Variants in ANK2 observed in about 807,000 individuals in gnomAD.
ANK2 encodes ankyrin 2.
In ANK2, 83 loss-of-function variants were observed where a neutral mutation model predicts 360.5. The observed-to-expected ratio is 0.23, with a 90% CI of 0.19 to 0.28. The LOEUF is 0.28. Among genes scored for constraint, ANK2 ranks in the 10% least tolerant of loss-of-function variants. ANK2 has a pLI of 1.00. For missense variants in ANK2, 4,201 were observed against 4,795.7 expected (o/e 0.88, Z 3.66); for synonymous variants, 1,740 against 1,759.5 (o/e 0.99, Z 0.28).
chr4:113,012,787 A>C (rs2055201971), intron 2 of ANK2, among the ~76,000 whole-genome samples: 1 of 152,078 alleles, frequency 6.6e-6, no homozygotes, highest in East Asian at 1.9e-4. Flanking sequence ...TACAGAACCT[A>C]CTTTTATATG....
Position 113,120,168 on chromosome 4 carries a change from A to G in ANK2, c.85-54248A>G, listed in dbSNP as rs7669115. Among the ~76,000 whole-genome samples, 1,379 of 152,268 alleles carry G rather than the reference A, an allele frequency of 9.1e-3. 31 individuals are homozygous for G. Among genetic ancestry groups the G allele is most frequent in the African/African-American group, 0.032 (1,318 of 41,576 alleles). ...GAATATCTATTGTATGTGTCATACTATGTAGAGCTAAAATAAAACTAAGCT... is the reference window on the plus strand; with the variant it reads ...GAATATCTATTGTATGTGTCATACTGTGTAGAGCTAAAATAAAACTAAGCT... On this transcript the variant is annotated intron_variant, in intron 1 of 45. Transcript: ENST00000357077.
At chr4:112,775,075 G>A in the ANK2 span, among the ~76,000 whole-genome samples, 5 of 152,242 alleles carry the variant, frequency 3.3e-5, no homozygotes, top group Admixed American at 3.3e-4. Context: ...GTTTGGACCA[G>A]CTGGAGGTGG....
At chr4:113,062,060 T>G (rs2073723701) in intron 1 of ANK2, among the ~76,000 whole-genome samples, 1 of 152,036 alleles carries the variant, frequency 6.6e-6, no homozygotes, top group South Asian at 2.1e-4. Context: ...CCATAGAAAG[T>G]TTTTTATTAT....
intron 4 of ANK2, among the ~76,000 whole-genome samples, chr4:113,231,818 T>A (rs530720137): frequency 1.3e-5 from 2 of 152,190 alleles, no homozygotes; most frequent in African/African-American, 4.8e-5. Context: ...TCCAGGCAGG[T>A]CTCGAACTCC....
chr4:113,356,129 C>T lies in ANK2; in HGVS notation c.7511C>T (p.Ser2504Phe), dbSNP rs1412619917. The change falls in exon 38 of 46, where the codon TCT (serine) becomes TTT (phenylalanine). Residue 2504 changes from serine (S) to phenylalanine (F), a missense_variant. Ser to Phe is a radical substitution (Grantham distance 155). Around this residue, in one of 4 missense-constraint regions of ANK2, gnomAD observed 2,642 missense variants for 2,714.5 expected, o/e 0.97. Transcript: ENST00000357077. Reference sequence around the variant, plus strand: ...ACAGAACTCTTGACGGAAGTGGCCTCTGTGCGGTCCCGGCTACTCCGAGAC... The same window carrying T: ...ACAGAACTCTTGACGGAAGTGGCCTTTGTGCGGTCCCGGCTACTCCGAGAC... ...AKTELLTEVASVRSRLLRDPD... is the reference protein window; with the variant it reads ...AKTELLTEVAFVRSRLLRDPD... The T allele has an allele frequency of 1.2e-6, 2 of 1,614,094 alleles. No homozygotes were observed. The highest frequency in any genetic ancestry group is 1.3e-5 in the African/African-American group (1 of 75,020).
At position 113,302,926 on chromosome 4, in the gene ANK2, A is replaced by G. The variant is rs1480618067; in HGVS notation, c.2548+87A>G. On this transcript the variant is annotated intron_variant, in intron 23 of 45. Transcript: ENST00000357077. Reference sequence around the variant, plus strand: ...CTTTTTTTCAGAGACCAAGCTGGTTATGTGGATGACAGAATCTTAACATTT... The same window carrying G: ...CTTTTTTTCAGAGACCAAGCTGGTTGTGTGGATGACAGAATCTTAACATTT... The G allele has an allele frequency of 4.4e-6, 5 of 1,124,368 alleles. No homozygotes were observed. The South Asian group carries it at 5.0e-5, about 11-fold the overall frequency. The allele number at this position is 1,124,368 out of a possible 1,614,324, so 69.6% of individuals were successfully genotyped here.
At chr4:113,209,601 G>A (rs1291344837) in intron 4 of ANK2, among the ~76,000 whole-genome samples, 2 of 152,122 alleles carry the variant, frequency 1.3e-5, no homozygotes, top group Middle Eastern at 3.4e-3. Flanking sequence ...TGCCTAACAA[G>A]GAGGATCAGG....
chr4:113,261,483 A>G (rs889620952), intron 13 of ANK2, among the ~76,000 whole-genome samples: 1 of 152,224 alleles, frequency 6.6e-6, no homozygotes, highest in Non-Finnish European at 1.5e-5. Flanking sequence ...AGACAAGGCT[A>G]TTAAATAAAA....
Position 113,357,780 on chromosome 4 carries a change from C to T in ANK2, c.9162C>T (p.Ala3054=), listed in dbSNP as rs767086685. ...SWSEIREDDE[A]FEARVKEEEQ... is the part of the protein sequence containing the mutation. ...GTGAAATTCGGGAAGACGATGAAGC[C>T]TTTGAGGCTCGTGTGAAAGAGGAAG... Residue 3054 remains alanine (A), a synonymous_variant, in exon 38 of 46, where the codon GCC becomes GCT. Transcript: ENST00000357077. The T allele has an allele frequency of 1.2e-6, 2 of 1,613,990 alleles. No homozygotes were observed. Among genetic ancestry groups the T allele is most frequent in the South Asian group, 1.1e-5 (1 of 91,078 alleles).
chr4:112,828,423 G>A (rs1035002005), intron 1 of ANK2, among the ~76,000 whole-genome samples: 8 of 151,924 alleles, frequency 5.3e-5, no homozygotes, highest in Non-Finnish European at 8.8e-5. Context: ...TAGTAAAGAG[G>A]GGGGTTTCAC....
chr4:113,120,797 C>T (rs1233539223), intron 1 of ANK2, among the ~76,000 whole-genome samples: 1 of 151,974 alleles, frequency 6.6e-6, no homozygotes, highest in African/African-American at 2.4e-5. Flanking sequence ...TGTGTTGTTC[C>T]CCTCAATGTG....
intron 1 of ANK2, among the ~76,000 whole-genome samples, chr4:113,101,660 A>C (rs1000505727): frequency 1.3e-5 from 2 of 152,074 alleles, no homozygotes; most frequent in African/African-American, 4.8e-5. Flanking sequence ...CTGTATTTCT[A>C]TGGAGAGAAA....
chr4:113,303,805 C>T (rs1364052304), intron 23 of ANK2, among the ~76,000 whole-genome samples: 1 of 152,158 alleles, frequency 6.6e-6, no homozygotes, highest in Non-Finnish European at 1.5e-5. Flanking sequence ...CATATATGTA[C>T]ATGAAAATGT....
At chr4:112,853,310 G>A (rs1027519897) in intron 1 of ANK2, among the ~76,000 whole-genome samples, 4 of 151,850 alleles carry the variant, frequency 2.6e-5, no homozygotes, top group East Asian at 1.9e-4. Context: ...CTCTTGATCC[G>A]CCCACCTCGG....
intron 12 of ANK2, 44 bp from the exon 13 acceptor site, chr4:113,258,269 C>T: frequency 1.2e-6 from 2 of 1,600,952 alleles, no homozygotes; most frequent in Non-Finnish European, 1.7e-6. Context: ...CCCCAAAGCC[C>T]CACCGGTGCA....
At chr4:113,057,081 G>A (rs1421141457) in intron 1 of ANK2, among the ~76,000 whole-genome samples, 2 of 152,176 alleles carry the variant, frequency 1.3e-5, no homozygotes, top group African/African-American at 4.8e-5. Context: ...ATAGCACTGT[G>A]TTAGGTGCTA....
chr4:113,186,384 A>T (rs2098523776), intron 2 of ANK2, among the ~76,000 whole-genome samples: 1 of 151,966 alleles, frequency 6.6e-6, no homozygotes, highest in Non-Finnish European at 1.5e-5. Flanking sequence ...CCACACAAAA[A>T]CCCCATTTGA....
chr4:112,739,183 C>T, the ANK2 span: 3 of 356,364 alleles, frequency 8.4e-6, no homozygotes, highest in South Asian at 7.1e-5. Context: ...AAAAAAACTC[C>T]TACATTCTAG....
chr4:113,282,561 A>C, intron 17 of ANK2, 114 bp from the exon 18 acceptor site: 1 of 1,048,960 alleles, frequency 9.5e-7, no homozygotes, highest in Non-Finnish European at 1.4e-6. Context: ...ATTAACTGTA[A>C]ACTCACTTTT....
Sources: allele counts gnomAD v4.1 joint callset (sites outside exome capture counted in the v4.1 genomes callset), GRCh38; gene constraint gnomAD v4.1.1; regional missense constraint gnomAD v4.1.1; transcripts MANE v1.5; gene names NCBI Gene and HGNC (gene_info 2026-07-23, HGNC 2026-07-21).